The following PRKAR2B variants were observed in gnomAD, a reference collection of about 807,000 sequenced individuals.
PRKAR2B encodes the protein protein kinase cAMP-dependent type II regulatory subunit beta, also known as cAMP-dependent protein kinase type II-beta regulatory subunit.
In PRKAR2B, 14 loss-of-function variants were observed where a neutral mutation model predicts 49.9. The observed-to-expected ratio is 0.28, with a 90% CI of 0.19 to 0.44. PRKAR2B has a LOEUF of 0.44. Ranked by LOEUF, PRKAR2B falls within the 20% of genes least tolerant of loss-of-function variation. The pLI, the probability that PRKAR2B is intolerant of heterozygous loss-of-function variation, is 1.00. For synonymous variants in PRKAR2B, 196 were observed against 197.7 expected, an observed-to-expected ratio of 0.99 and a Z score of 0.07; for missense variants, 393 against 537.9, an observed-to-expected ratio of 0.73 and a Z score of 2.67.
intron 2 of PRKAR2B, among the ~76,000 whole-genome samples, chr7:107,099,432 A>G (rs1451246221): frequency 1.3e-5 from 2 of 152,090 alleles, no homozygotes; most frequent in Admixed American, 6.6e-5. Context: ...TCCTTTAGCT[A>G]GGAATGGGAA....
At chr7:107,063,263 C>T (rs1794062950) in intron 1 of PRKAR2B, among the ~76,000 whole-genome samples, 1 of 152,186 alleles carries the variant, frequency 6.6e-6, no homozygotes, top group African/African-American at 2.4e-5. Flanking sequence ...TCCCAAAGTG[C>T]CAGGATTACA....
intron 1 of PRKAR2B, among the ~76,000 whole-genome samples, chr7:107,066,239 G>T (rs1794139505): frequency 6.6e-6 from 1 of 151,088 alleles, no homozygotes; most frequent in African/African-American, 2.5e-5. Context: ...TGTTTCTCCA[G>T]GCATACAATA....
At chr7:107,070,935 C>T (rs1158514602) in intron 2 of PRKAR2B, among the ~76,000 whole-genome samples, 2 of 152,128 alleles carry the variant, frequency 1.3e-5, no homozygotes, top group Non-Finnish European at 2.9e-5. Context: ...TAGGCCTTAG[C>T]CATTAACAAG....
At chr7:107,082,672 C>T (rs533184896) in intron 2 of PRKAR2B, among the ~76,000 whole-genome samples, 2 of 152,144 alleles carry the variant, frequency 1.3e-5, no homozygotes, top group Non-Finnish European at 2.9e-5. Context: ...TGGCTCACTG[C>T]AACCTCTGCC....
chr7:107,103,758 C>T (rs192295741), intron 2 of PRKAR2B, among the ~76,000 whole-genome samples: 1 of 152,322 alleles, frequency 6.6e-6, no homozygotes, highest in East Asian at 1.9e-4. Flanking sequence ...CCAGCTGCCA[C>T]CTGGTCTAGC....
intron 3 of PRKAR2B, among the ~76,000 whole-genome samples, chr7:107,126,887 C>A (rs1303438656): frequency 6.6e-6 from 1 of 152,104 alleles, no homozygotes; most frequent in Non-Finnish European, 1.5e-5. Context: ...GAATATTGGG[C>A]AGATAGTAAA....
chr7:107,054,258 G>A (rs1793868326), intron 1 of PRKAR2B, among the ~76,000 whole-genome samples: 1 of 152,188 alleles, frequency 6.6e-6, no homozygotes, highest in African/African-American at 2.4e-5. Context: ...GGAGGCTGAG[G>A]CAGGAGAATG....
intron 3 of PRKAR2B, among the ~76,000 whole-genome samples, chr7:107,126,324 G>A (rs1445689640): frequency 5.3e-5 from 8 of 150,210 alleles, no homozygotes; most frequent in Non-Finnish European, 8.9e-5. Context: ...AGGAGGCTGA[G>A]GCAGGAGAAT....
chr7:107,144,753 T>G (rs1347129022), intron 5 of PRKAR2B, among the ~76,000 whole-genome samples: 1 of 150,256 alleles, frequency 6.7e-6, no homozygotes, highest in Non-Finnish European at 1.5e-5. Context: ...GTACCAGGCC[T>G]GGCCCATAAT....
intron 2 of PRKAR2B, among the ~76,000 whole-genome samples, chr7:107,098,844 C>T (rs551561616): frequency 6.6e-5 from 10 of 152,286 alleles, no homozygotes; most frequent in Non-Finnish European, 1.3e-4. Context: ...TATTGCAGAA[C>T]GGCAAATGTT....
At chr7:107,075,956 A>G (rs1019376975) in intron 2 of PRKAR2B, among the ~76,000 whole-genome samples, 13 of 152,150 alleles carry the variant, frequency 8.5e-5, no homozygotes, top group African/African-American at 3.1e-4. Context: ...GGGGCTAGAA[A>G]TGTCCAGTTA....
At chr7:107,107,614 G>A (rs1795098077) in intron 2 of PRKAR2B, among the ~76,000 whole-genome samples, 1 of 151,706 alleles carries the variant, frequency 6.6e-6, no homozygotes, top group African/African-American at 2.4e-5. Flanking sequence ...AGGTATGAAT[G>A]GGTAGTGAAG....
At chr7:107,153,674 T>C (rs1306221639) in intron 8 of PRKAR2B, among the ~76,000 whole-genome samples, 1 of 152,208 alleles carries the variant, frequency 6.6e-6, no homozygotes, top group Non-Finnish European at 1.5e-5. Flanking sequence ...ATATACTGTT[T>C]TGGCTTCCAA....
At chr7:107,129,490 C>T (rs560932882) in intron 4 of PRKAR2B, among the ~76,000 whole-genome samples, 3 of 152,276 alleles carry the variant, frequency 2.0e-5, no homozygotes, top group East Asian at 1.9e-4. Context: ...CGGCCCTGTA[C>T]GCGCACTAGG....
intron 2 of PRKAR2B, among the ~76,000 whole-genome samples, chr7:107,071,439 G>T (rs1208107854): frequency 1.3e-5 from 2 of 152,108 alleles, no homozygotes; most frequent in African/African-American, 2.4e-5. Flanking sequence ...TAATCTCAAG[G>T]CGTGTTTATT....
chr7:107,115,996 A>G (rs1279157064), intron 2 of PRKAR2B, among the ~76,000 whole-genome samples: 2 of 152,214 alleles, frequency 1.3e-5, no homozygotes, highest in African/African-American at 4.8e-5. Context: ...TGAGGTGGAC[A>G]TATTATGTGA....
chr7:107,098,263 C>G (rs1375326218), intron 2 of PRKAR2B, among the ~76,000 whole-genome samples: 1 of 152,118 alleles, frequency 6.6e-6, no homozygotes, highest in Non-Finnish European at 1.5e-5. Context: ...TTCATTTGAT[C>G]TTCAGTCACT....
intron 1 of PRKAR2B, among the ~76,000 whole-genome samples, chr7:107,064,466 A>G (rs1263613944): frequency 6.6e-6 from 1 of 152,100 alleles, no homozygotes; most frequent in Admixed American, 6.6e-5. Flanking sequence ...TGGACACCTG[A>G]TCTCTGTGCT....
At chr7:107,129,931 AC>A (rs969640900) in intron 4 of PRKAR2B, among the ~76,000 whole-genome samples, 2 of 152,054 alleles carry the variant, frequency 1.3e-5, no homozygotes, top group African/African-American at 4.8e-5. Context: ...CTTGACTGCA[AC>A]CTGTTTTATC....
Sources: gnomAD v4.1 joint callset for allele counts (sites outside exome capture counted in the v4.1 genomes callset) on GRCh38, gnomAD v4.1.1 for gene constraint, MANE v1.5 for transcripts, NCBI Gene and HGNC (gene_info 2026-07-23, HGNC 2026-07-21) for gene names.